DNAAF5: variants seen among roughly 807,000 people sequenced by gnomAD.
DNAAF5 encodes the protein HEAT repeat containing 2.
A neutral mutation model predicts 75.8 loss-of-function variants in DNAAF5; 64 were observed. The ratio of observed to expected loss-of-function variants is 0.84; its 90% CI spans 0.69 to 1.04. The LOEUF is 1.04. Ranked by LOEUF, DNAAF5 falls within the 50% of genes least tolerant of loss-of-function variation. The pLI is 0.00. For synonymous variants in DNAAF5, 657 were observed against 557.2 expected (o/e 1.18, Z -2.52); for missense variants, 1,269 against 1,178.5 (o/e 1.08, Z -1.12).
chr7:747,075 G>A (rs1009689911), intron 4 of DNAAF5, among the ~76,000 whole-genome samples: 1 of 152,242 alleles, frequency 6.6e-6, no homozygotes, highest in African/African-American at 2.4e-5. Flanking sequence ...GCCATCACAG[G>A]TAAAGCTGAT....
intron 4 of DNAAF5, among the ~76,000 whole-genome samples, chr7:747,618 G>C (rs111776421): frequency 6.6e-6 from 1 of 151,514 alleles, no homozygotes; most frequent in East Asian, 2.0e-4. Context: ...TTTTTAGTGT[G>C]TCCAGTTGGT....
At chr7:778,661 A>G (rs1778841597) in intron 11 of DNAAF5, 1 of 152,274 alleles carries the variant, frequency 6.6e-6, no homozygotes, top group Admixed American at 6.5e-5. Flanking sequence ...GGGCCCATAG[A>G]TGTTTGCTAG....
intron 2 of DNAAF5, among the ~76,000 whole-genome samples, chr7:738,969 C>T (rs922928230): frequency 7.9e-5 from 12 of 152,368 alleles, no homozygotes; most frequent in South Asian, 2.1e-4. Context: ...CCCTGGCTGC[C>T]GGCCTGGGGC....
chr7:768,093 C>T (rs1439440944), intron 8 of DNAAF5, among the ~76,000 whole-genome samples: 1 of 139,580 alleles, frequency 7.2e-6, no homozygotes, highest in Non-Finnish European at 1.5e-5. Context: ...AGCGGGAGCT[C>T]GCGCTGGGAG....
In DNAAF5 at chr7:785,594, T is replaced by A. The variant is rs1779120476; in HGVS notation, c.2509T>A (p.Ser837Thr). The A allele has an allele frequency of 2.5e-6, 4 of 1,613,298 alleles. No individual in the cohort carries two copies. In the East Asian group the frequency reaches 8.9e-5, roughly 36 times the overall value. Residue 837 changes from serine to threonine, a missense_variant, in exon 13 of 13, where the codon TCG becomes ACG. By Grantham distance (58) the Ser-to-Thr change is moderately conservative. Coordinates refer to ENST00000297440, the MANE Select transcript of DNAAF5 (RefSeq NM_017802.4). ...ETEAVIHKHR[S>T]ATYCEQLLQH... ...GGAGGCCGTCATCCACAAGCACCGC[T>A]CGGCCACCTACTGCGAGCAGCTCCT...
intron 6 of DNAAF5, 107 bp downstream of exon 6, chr7:757,101 G>A (rs1336611985): frequency 3.6e-6 from 4 of 1,101,496 alleles, no homozygotes; most frequent in Non-Finnish European, 5.1e-6. Flanking sequence ...GCCAGGCTGG[G>A]CTGTCGGAAG....
chr7:745,751 T>A (rs1428375619), intron 4 of DNAAF5, among the ~76,000 whole-genome samples: 2 of 152,242 alleles, frequency 1.3e-5, no homozygotes, highest in East Asian at 3.9e-4. Flanking sequence ...TGTACACATG[T>A]ACATACACAT....
rs1781412403 is a variant in DNAAF5 at position 727,858 on chromosome 7, C to T, written c.595+543C>T. On this transcript the variant is annotated intron_variant, in intron 1 of 12. Coordinates refer to ENST00000297440, the MANE Select transcript of DNAAF5 (RefSeq NM_017802.4). ...CACCCGGGCCCACGAGCCAGCGCTT[C>T]TGTCCAGATACCTGGAAACCACCGC... 2.7e-5 allele frequency among the ~76,000 whole-genome samples: 4 copies of T among 150,146 alleles called. No homozygotes were observed. The South Asian group carries it at 8.6e-4, about 32-fold the overall frequency.
chr7:782,293 G>A (rs1185425157), intron 12 of DNAAF5, among the ~76,000 whole-genome samples: 8 of 150,796 alleles, frequency 5.3e-5, no homozygotes, highest in African/African-American at 1.5e-4. Flanking sequence ...TCAGAAACTC[G>A]GATCTTCCTG....
At chr7:727,508 C>G in intron 1 of DNAAF5, 193 bp downstream of exon 1, 2 of 309,526 alleles carry the variant, frequency 6.5e-6, no homozygotes, top group Non-Finnish European at 1.1e-5. Flanking sequence ...GCCCCCTCCT[C>G]CCACCACCAC....
chr7:774,218 C>G lies in DNAAF5; in HGVS notation c.2082+20C>G. On this transcript the variant is annotated intron_variant, in intron 10 of 12. Transcript: ENST00000297440. ...GAGCAGGTACGGGGCTCCCTGCGTG[C>G]TCGGTGGACACCGGCCGGGGACTGC... is the stretch of plus-strand genomic sequence containing the variant. 6.3e-7 allele frequency: 1 copy of G among 1,591,316 alleles called. No homozygotes were observed. The highest frequency in any genetic ancestry group is 8.5e-7 in the Non-Finnish European group (1 of 1,172,932).
In DNAAF5 at chr7:761,799, C is replaced by G. The variant is rs747112312; in HGVS notation, c.1517C>G (p.Ser506Cys). The G allele has an allele frequency of 6.2e-7, 1 of 1,609,374 alleles. No individual in the cohort carries two copies. Among genetic ancestry groups the G allele is most frequent in the Admixed American group, 1.7e-5 (1 of 59,530 alleles). The change falls in exon 7 of 13, where the codon TCT (serine) becomes TGT (cysteine). Residue 506 changes from serine to cysteine, a missense_variant. Ser to Cys is a moderately radical substitution (Grantham distance 112, BLOSUM62 -1). Transcript: ENST00000297440. ...CTGCTGTGTGTGCAGGCTCTGGTGTCTGTGTGTCATGAGGACTGTGGCGTG... is the reference window on the plus strand; with the variant it reads ...CTGCTGTGTGTGCAGGCTCTGGTGTGTGTGTGTCATGAGGACTGTGGCGTG... ...RLLLCVQALVSVCHEDCGVAS... is the reference protein window; with the variant it reads ...RLLLCVQALVCVCHEDCGVAS...
chr7:745,412 C>T (rs891080252), intron 4 of DNAAF5, among the ~76,000 whole-genome samples: 12 of 147,376 alleles, frequency 8.1e-5, no homozygotes, highest in Admixed American at 4.8e-4. Context: ...GAAGACAGAG[C>T]GAGGCGCACA....
In DNAAF5 at chr7:754,682, T is replaced by A; in HGVS notation, c.1118T>A (p.Val373Glu). 1.2e-6 allele frequency: 2 copies of A among 1,614,054 alleles called. No individual in the cohort carries two copies. Among genetic ancestry groups the A allele is most frequent in the Non-Finnish European group, 8.5e-7 (1 of 1,180,018 alleles). The change falls in exon 5 of 13, where the codon GTG (valine) becomes GAG (glutamate). Residue 373 changes from valine (V) to glutamate (E), a missense_variant. Transcript: ENST00000297440. The surrounding 1 kb of genome is among the most constrained non-coding windows in gnomAD (Gnocchi z 4.8). ...TGCCACGACATCACCGACTGGGTGG[T>A]GGGGACCCGAGTGAAGTCGGCACAG... ...ALCHDITDWV[V>E]GTRVKSAQLL...
chr7:777,474 T>C (rs993005845), intron 11 of DNAAF5, among the ~76,000 whole-genome samples: 2 of 148,862 alleles, frequency 1.3e-5, no homozygotes, highest in African/African-American at 2.5e-5. Context: ...AAAGAACAGA[T>C]GGAAACGGAA....
intron 1 of DNAAF5, among the ~76,000 whole-genome samples, chr7:728,803 C>T (rs953070801): frequency 6.6e-6 from 1 of 152,176 alleles, no homozygotes; most frequent in African/African-American, 2.4e-5. Flanking sequence ...ATCCCCTCAT[C>T]TCCAGCACCT....
intron 9 of DNAAF5, among the ~76,000 whole-genome samples, chr7:773,393 C>T (rs1261252581): frequency 1.3e-5 from 2 of 152,054 alleles, no homozygotes; most frequent in Non-Finnish European, 2.9e-5. Context: ...TGAAACATAC[C>T]GTGGTGTTGG....
At chr7:761,516 C>G (rs532555387) in intron 6 of DNAAF5, among the ~76,000 whole-genome samples, 1 of 152,262 alleles carries the variant, frequency 6.6e-6, no homozygotes, top group East Asian at 1.9e-4. Context: ...TCACGTCTTA[C>G]GTGGCGGCAG....
rs1048330344 is a variant in DNAAF5 at position 754,101 on chromosome 7, C to T, written c.1025-488C>T. ...GATCATAGGGGGACGGCTTCGCAGG[C>T]GTGTCTCTCTGATCATACACGTCAG... On this transcript the variant is annotated intron_variant, in intron 4 of 12. Coordinates refer to ENST00000297440, the MANE Select transcript of DNAAF5 (RefSeq NM_017802.4). The surrounding 1 kb of genome is among the most constrained non-coding windows in gnomAD (Gnocchi z 4.8). Among the ~76,000 whole-genome samples, 2 of 152,074 alleles carry T rather than the reference C, an allele frequency of 1.3e-5. No individual in the cohort carries two copies. Among genetic ancestry groups the T allele is most frequent in the South Asian group, 2.1e-4 (1 of 4,820 alleles).
Sources: allele counts gnomAD v4.1 joint callset (sites outside exome capture counted in the v4.1 genomes callset), GRCh38; gene constraint gnomAD v4.1.1; non-coding constraint Gnocchi (gnomAD v3.1); transcripts MANE v1.5; gene names NCBI Gene and HGNC (gene_info 2026-07-23, HGNC 2026-07-21).